The following RTTN variants were observed in gnomAD, a reference collection of about 807,000 sequenced individuals.
RTTN encodes rotatin.
In RTTN, 182 loss-of-function variants were observed where a neutral mutation model predicts 269.2. The observed-to-expected ratio is 0.68, with a 90% CI of 0.60 to 0.76. The LOEUF (loss-of-function observed/expected upper bound fraction) is 0.76. Ranked by LOEUF, RTTN falls within the 30% of genes least tolerant of loss-of-function variation. RTTN has a pLI of 0.00. For synonymous variants in RTTN, 1,006 were observed against 963.5 expected (o/e 1.04, Z -0.82); for missense variants, 2,545 against 2,608.6 (o/e 0.98, Z 0.53).
At chr18:70,089,551 A>G (rs1391327876) in intron 30 of RTTN, among the ~76,000 whole-genome samples, 1 of 152,224 alleles carries the variant, frequency 6.6e-6, no homozygotes, top group Non-Finnish European at 1.5e-5. Context: ...AAATGCCTAA[A>G]CACATGAAAG....
intron 35 of RTTN, among the ~76,000 whole-genome samples, chr18:70,063,757 T>C (rs551668192): frequency 6.6e-6 from 1 of 152,300 alleles, no homozygotes; most frequent in African/African-American, 2.4e-5. Flanking sequence ...AGAGAGCTAG[T>C]TCAGAATATA....
rs748797094 is a variant in RTTN at position 70,205,641 on chromosome 18, G to A, written c.18C>T (p.Leu6=). Residue 6 remains leucine, a synonymous_variant, in exon 1 of 49, where the codon CTC becomes CTT. Coordinates refer to ENST00000640769, the MANE Select transcript of RTTN (RefSeq NM_173630.4). MVLAG[L]IRKLGHQLAE... is the part of the protein sequence containing the mutation. ...GCTGACAGTTACCGAGTTTCCTGAT[G>A]AGCCCTGCCAGGACCATCTCGTCCC... 3 of 1,614,124 alleles carry A rather than the reference G, an allele frequency of 1.9e-6. No homozygotes were observed. The highest frequency in any genetic ancestry group is 2.7e-5 in the African/African-American group (2 of 75,030).
intron 28 of RTTN, among the ~76,000 whole-genome samples, chr18:70,103,393 T>A (rs533188087): frequency 6.6e-6 from 1 of 152,238 alleles, no homozygotes; most frequent in African/African-American, 2.4e-5. Flanking sequence ...CATAGCAGAC[T>A]CCATTTTGTT....
intron 25 of RTTN, among the ~76,000 whole-genome samples, chr18:70,125,126 A>G (rs1280604834): frequency 6.6e-6 from 1 of 152,082 alleles, no homozygotes; most frequent in Non-Finnish European, 1.5e-5. Context: ...ATCATCTTGG[A>G]AAGTTATGTT....
At chr18:70,009,635 T>G (rs2056308364) in intron 46 of RTTN, among the ~76,000 whole-genome samples, 1 of 152,110 alleles carries the variant, frequency 6.6e-6, no homozygotes, top group African/African-American at 2.4e-5. Flanking sequence ...CATATCAAAT[T>G]GTAAAGAACA....
chr18:70,115,977 A>T (rs559849951), intron 26 of RTTN, among the ~76,000 whole-genome samples: 1 of 152,072 alleles, frequency 6.6e-6, no homozygotes, highest in South Asian at 2.1e-4. Flanking sequence ...ACATCTAAAT[A>T]GTTTTTTTCC....
At chr18:70,105,793 C>T (rs2059305782) in intron 28 of RTTN, among the ~76,000 whole-genome samples, 1 of 151,948 alleles carries the variant, frequency 6.6e-6, no homozygotes, top group African/African-American at 2.4e-5. Flanking sequence ...TTATTTAAAT[C>T]ATTATTTAGT....
Position 70,139,631 on chromosome 18 carries a change from T to C in RTTN, c.2756A>G (p.Gln919Arg). The C allele has an allele frequency of 6.2e-7, 1 of 1,612,706 alleles. No homozygotes were observed. The highest frequency in any genetic ancestry group is 1.1e-5 in the South Asian group (1 of 90,996). ...GDPVMRVSLS[Q>R]QSSLLTVLFR... ...TAACACGGTCAAAAGAGAAGACTGT[T>C]GCGAGAGCGAAACACGCATGACTGG... The change falls in exon 21 of 49, where the codon CAA becomes CGA. Residue 919 changes from glutamine (Q) to arginine (R), a missense_variant. Transcript: ENST00000640769.
intron 11 of RTTN, among the ~76,000 whole-genome samples, chr18:70,170,913 G>T (rs867477792): frequency 4.6e-5 from 7 of 152,226 alleles, no homozygotes; most frequent in Admixed American, 6.5e-5. Flanking sequence ...AGGAATCAAG[G>T]CTGACTCTAA....
At chr18:70,118,646 G>A (rs1354272557) in intron 26 of RTTN, among the ~76,000 whole-genome samples, 1 of 152,024 alleles carries the variant, frequency 6.6e-6, no homozygotes, top group African/African-American at 2.4e-5. Flanking sequence ...GAAAATTACA[G>A]GCTAATATCC....
At chr18:70,203,512 TC>T (rs2062005369) in intron 3 of RTTN, among the ~76,000 whole-genome samples, 1 of 152,148 alleles carries the variant, frequency 6.6e-6, no homozygotes, top group Admixed American at 6.5e-5. Flanking sequence ...TTTCTTATTA[TC>T]CCAGTTTTTG....
chr18:70,075,619 C>A, intron 32 of RTTN, 78 bp from the exon 33 acceptor site: 8 of 1,180,680 alleles, frequency 6.8e-6, no homozygotes, highest in Non-Finnish European at 9.3e-6. Flanking sequence ...TGTCTCCTCT[C>A]GAGGAAACAA....
intron 39 of RTTN, among the ~76,000 whole-genome samples, chr18:70,049,316 G>C (rs1289724742): frequency 6.6e-6 from 1 of 152,112 alleles, no homozygotes; most frequent in East Asian, 1.9e-4. Flanking sequence ...TATTATTGGT[G>C]ATTCAGGTGA....
chr18:70,157,236 C>T (rs1043461364), intron 14 of RTTN, among the ~76,000 whole-genome samples: 20 of 152,156 alleles, frequency 1.3e-4, no homozygotes, highest in African/African-American at 4.6e-4. Flanking sequence ...TGCCAGCAGT[C>T]TGGGAACATC....
intron 35 of RTTN, among the ~76,000 whole-genome samples, chr18:70,063,331 T>C (rs1441433570): frequency 6.6e-6 from 1 of 152,240 alleles, no homozygotes; most frequent in Non-Finnish European, 1.5e-5. Flanking sequence ...ATTTGTATAA[T>C]ATTTTTCCAA....
Position 70,071,571 on chromosome 18 carries a change from G to C in RTTN, c.4653+2335C>G, listed in dbSNP as rs1330347756. ...ATGGCTGCATCCTCCTACCCCAGAG[G>C]AGGAGAATATTGAGTTCGATAGAGG... On this transcript the variant is annotated intron_variant, in intron 34 of 48. Coordinates refer to ENST00000640769, the MANE Select transcript of RTTN (RefSeq NM_173630.4). Among the ~76,000 whole-genome samples, 3 of 152,116 alleles carry C rather than the reference G, an allele frequency of 2.0e-5. No homozygotes were observed. In the East Asian group the frequency reaches 5.8e-4, roughly 29 times the overall value.
At chr18:70,174,194 A>G (rs531210773) in intron 11 of RTTN, among the ~76,000 whole-genome samples, 190 of 151,808 alleles carry the variant, frequency 1.3e-3, no homozygotes, top group African/African-American at 4.2e-3. Context: ...TTTTTCTGAT[A>G]GCATTTTAAA....
intron 27 of RTTN, among the ~76,000 whole-genome samples, chr18:70,110,453 C>A (rs995728602): frequency 1.3e-5 from 2 of 152,050 alleles, no homozygotes; most frequent in Admixed American, 1.3e-4. Flanking sequence ...ACCTGGGAAG[C>A]GCAAGGGGTC....
At chr18:70,149,129 C>T (rs1037613811) in intron 16 of RTTN, 92 bp from the exon 17 acceptor site, 3 of 1,055,078 alleles carry the variant, frequency 2.8e-6, no homozygotes, top group Non-Finnish European at 2.8e-6. Context: ...CTATCAGCAA[C>T]TCATAAATGT....
Sources: allele counts gnomAD v4.1 joint callset (sites outside exome capture counted in the v4.1 genomes callset), GRCh38; gene constraint gnomAD v4.1.1; transcripts MANE v1.5; gene names NCBI Gene and HGNC (gene_info 2026-07-23, HGNC 2026-07-21).